XIRP2: variants seen among roughly 807,000 people sequenced by gnomAD.
XIRP2 encodes xin actin-binding repeat-containing protein 2.
In XIRP2, 236 loss-of-function variants were observed where a neutral mutation model predicts 277.0. That is an observed-to-expected ratio of 0.85 (90% confidence interval 0.77 to 0.95). The LOEUF is 0.95. Among genes scored for constraint, XIRP2 ranks in the 40% least tolerant of loss-of-function variants. The pLI is 0.00. For missense variants in XIRP2, 4,640 were observed against 4,157.5 expected, an observed-to-expected ratio of 1.12 and a Z score of -3.19; for synonymous variants, 1,490 against 1,416.5, an observed-to-expected ratio of 1.05 and a Z score of -1.17.
chr2:167,225,727 G>T (rs1014105422), intron 5 of XIRP2, among the ~76,000 whole-genome samples: 1 of 152,004 alleles, frequency 6.6e-6, no homozygotes, highest in African/African-American at 2.4e-5. Context: ...TATAAATAAG[G>T]CTCATAGACA....
intron 2 of XIRP2, among the ~76,000 whole-genome samples, chr2:167,032,852 C>A (rs1688403520): frequency 6.6e-6 from 1 of 151,982 alleles, no homozygotes; most frequent in African/African-American, 2.4e-5. Flanking sequence ...GGTTGGAATG[C>A]AAATTAGTTC....
intron 2 of XIRP2, among the ~76,000 whole-genome samples, chr2:167,000,194 T>C (rs1687327298): frequency 6.6e-6 from 1 of 152,156 alleles, no homozygotes; most frequent in Non-Finnish European, 1.5e-5. Context: ...AAATTGAAAG[T>C]ATTCCTCTTG....
At position 167,251,101 on chromosome 2, in the gene XIRP2, A is replaced by G. The variant is rs773191799; in HGVS notation, c.9709A>G (p.Thr3237Ala). The change falls in exon 9 of 11, where the codon ACA (threonine) becomes GCA (alanine). Residue 3237 changes from threonine to alanine, a missense_variant. Coordinates refer to ENST00000409195, the MANE Select transcript of XIRP2 (RefSeq NM_152381.6). ...IETRGRDSPP[T>A]ITIPVNINHA... ...AACTCGTGGTAGGGACTCTCCACCTACAATCACAATACCAGTAAATATAAA... is the reference window on the plus strand; with the variant it reads ...AACTCGTGGTAGGGACTCTCCACCTGCAATCACAATACCAGTAAATATAAA... The G allele has an allele frequency of 3.1e-6, 5 of 1,613,466 alleles. No individual in the cohort carries two copies. Among genetic ancestry groups the G allele is most frequent in the African/African-American group, 2.7e-5 (2 of 74,856 alleles).
intron 2 of XIRP2, among the ~76,000 whole-genome samples, chr2:166,923,997 GGC>G (rs1054567267): frequency 6.6e-6 from 1 of 151,966 alleles, no homozygotes; most frequent in Non-Finnish European, 1.5e-5. Flanking sequence ...GACATGATAT[GGC>G]TCAGCAGGTT....
chr2:167,162,138 G>A (rs538259492), intron 3 of XIRP2, among the ~76,000 whole-genome samples: 95 of 152,168 alleles, frequency 6.2e-4, no homozygotes, highest in Non-Finnish European at 8.5e-4. Flanking sequence ...ATCAGCATTC[G>A]GTCAAAGCCA....
intron 2 of XIRP2, among the ~76,000 whole-genome samples, chr2:167,028,140 A>G (rs1349351654): frequency 1.3e-5 from 2 of 152,088 alleles, no homozygotes; most frequent in Non-Finnish European, 2.9e-5. Flanking sequence ...TTTTCTTTCA[A>G]ACTTACAAAT....
intron 2 of XIRP2, among the ~76,000 whole-genome samples, chr2:167,044,393 A>G (rs981092836): frequency 1.3e-5 from 2 of 152,086 alleles, no homozygotes; most frequent in Non-Finnish European, 2.9e-5. Flanking sequence ...CACCGCTCCT[A>G]TTAAACATAG....
rs754683139 is a variant in XIRP2 at position 167,243,195 on chromosome 2, G to A, written c.1803G>A (p.Arg601=). The change falls in exon 9 of 11, where the codon AGG becomes AGA. Residue 601 remains arginine, a synonymous_variant. Transcript: ENST00000409195. ...CTCCTGATGAAGGTGATATTTCCAG[G>A]GGCATTGCTGATCAAGAAATCATTG... ...NGSPDEGDIS[R]GIADQEIIAG... is the part of the protein sequence containing the mutation. 3 of 1,614,068 alleles carry A rather than the reference G, an allele frequency of 1.9e-6. No individual in the cohort carries two copies. The highest frequency in any genetic ancestry group is 2.5e-6 in the Non-Finnish European group (3 of 1,179,990).
At chr2:167,231,756 C>T (rs1694764138) in intron 5 of XIRP2, among the ~76,000 whole-genome samples, 1 of 151,904 alleles carries the variant, frequency 6.6e-6, no homozygotes. Flanking sequence ...AGGTTAGTGA[C>T]ATGAGAAGCA....
At chr2:167,137,927 C>G (rs1691602894) in intron 3 of XIRP2, among the ~76,000 whole-genome samples, 1 of 152,122 alleles carries the variant, frequency 6.6e-6, no homozygotes, top group Non-Finnish European at 1.5e-5. Context: ...ATTTCTATCT[C>G]TGTTGGGACA....
At chr2:167,070,628 T>C (rs114872366) in intron 2 of XIRP2, among the ~76,000 whole-genome samples, 2,477 of 152,312 alleles carry the variant, frequency 0.016, 28 homozygotes, top group African/African-American at 0.026. Flanking sequence ...TATCAGACAA[T>C]AAAAATAGAC....
intron 2 of XIRP2, among the ~76,000 whole-genome samples, chr2:166,986,489 A>G (rs2105440142): frequency 6.6e-6 from 1 of 152,344 alleles, no homozygotes. Context: ...CCGCATAGCT[A>G]TGATAGTTAG....
At chr2:167,104,210 T>A (rs1373938235) in intron 2 of XIRP2, among the ~76,000 whole-genome samples, 1 of 152,174 alleles carries the variant, frequency 6.6e-6, no homozygotes, top group Non-Finnish European at 1.5e-5. Context: ...AATGATCATA[T>A]TTTTTGCAAT....
chr2:166,900,641 C>G (rs1684358216), intron 1 of XIRP2, among the ~76,000 whole-genome samples: 1 of 152,024 alleles, frequency 6.6e-6, no homozygotes, highest in Non-Finnish European at 1.5e-5. Flanking sequence ...TGTTCAATGA[C>G]TGTTTTGTGA....
At chr2:167,221,408 C>T (rs936487760) in intron 5 of XIRP2, among the ~76,000 whole-genome samples, 1 of 136,200 alleles carries the variant, frequency 7.3e-6, no homozygotes, top group East Asian at 2.1e-4. Context: ...TGCGGTGAGC[C>T]GAGATGGTGC....
intron 2 of XIRP2, among the ~76,000 whole-genome samples, chr2:167,066,897 A>T (rs559144318): frequency 7.2e-5 from 11 of 152,228 alleles, no homozygotes; most frequent in Admixed American, 6.5e-4. Flanking sequence ...ATTGTTTATG[A>T]TAAGAAATCT....
intron 2 of XIRP2, among the ~76,000 whole-genome samples, chr2:167,014,283 T>A (rs1687763246): frequency 1.3e-5 from 2 of 151,158 alleles, no homozygotes; most frequent in South Asian, 4.2e-4. Flanking sequence ...AAGTCCAGAA[T>A]AAACAAACAG....
Position 167,241,845 on chromosome 2 carries a change from A to T in XIRP2, c.1111A>T (p.Lys371Ter). The T allele has an allele frequency of 6.2e-7, 1 of 1,613,740 alleles. No homozygotes were observed. The highest frequency in any genetic ancestry group is 1.3e-5 in the African/African-American group (1 of 75,008). The change falls in exon 8 of 11, where the codon AAG becomes TAG. Residue 371 changes from lysine to a stop codon, truncating the protein, a stop_gained. Transcript: ENST00000409195. LOFTEE classifies it high-confidence loss of function. ...STKLLKEQFE[K>*]SAQEKILYSD... ...TAAGTTGTTAAAAGAGCAGTTTGAAAAGTCTGCCCAGGAAAAGATCCTTTA... is the reference window on the plus strand; with the variant it reads ...TAAGTTGTTAAAAGAGCAGTTTGAATAGTCTGCCCAGGAAAAGATCCTTTA...
Position 167,154,627 on chromosome 2 carries a change from G to A in XIRP2, c.562+18565G>A, listed in dbSNP as rs188024076. On this transcript the variant is annotated intron_variant, in intron 3 of 10. Coordinates refer to ENST00000409195, the MANE Select transcript of XIRP2 (RefSeq NM_152381.6). ...ATCCAGTTTCAGCTTTCTACATATG[G>A]CTAGCCAGTTTTCCTAGCACCTATT... Among the ~76,000 whole-genome samples the A allele has an allele frequency of 1.9e-3, 289 of 152,068 alleles. 4 individuals are homozygous for A. Among genetic ancestry groups the A allele is most frequent in the African/African-American group, 6.5e-3 (271 of 41,476 alleles).
Sources: gnomAD v4.1 joint callset for allele counts (sites outside exome capture counted in the v4.1 genomes callset) on GRCh38, gnomAD v4.1.1 for gene constraint, MANE v1.5 for transcripts, NCBI Gene and HGNC (gene_info 2026-07-23, HGNC 2026-07-21) for gene names.